CFAP20DC: variants seen among roughly 807,000 people sequenced by gnomAD.
CFAP20DC encodes the protein protein CFAP20DC.
In CFAP20DC, 84 loss-of-function variants were observed where a neutral mutation model predicts 101.7. That is an observed-to-expected ratio of 0.83 (90% CI 0.69 to 0.99). The LOEUF is 0.99. Ranked by LOEUF, CFAP20DC falls within the 50% of genes least tolerant of loss-of-function variation. CFAP20DC has a pLI of 0.00. For synonymous variants in CFAP20DC, 359 were observed against 351.2 expected, an observed-to-expected ratio of 1.02 and a Z score of -0.25; for missense variants, 1,007 against 970.3, an observed-to-expected ratio of 1.04 and a Z score of -0.50.
chr3:59,040,092 A>C (rs1330575808), intron 3 of CFAP20DC, among the ~76,000 whole-genome samples: 3 of 152,056 alleles, frequency 2.0e-5, no homozygotes, highest in African/African-American at 7.2e-5. Context: ...TAATTATGAC[A>C]ACTACAACTG....
chr3:58,809,668 C>T (rs1037190765), intron 14 of CFAP20DC, among the ~76,000 whole-genome samples: 3 of 152,050 alleles, frequency 2.0e-5, no homozygotes, highest in Non-Finnish European at 2.9e-5. Context: ...CAAACACATA[C>T]GAAAGCTAGC....
At chr3:58,767,975 T>C (rs2070472362) in intron 15 of CFAP20DC, among the ~76,000 whole-genome samples, 1 of 152,230 alleles carries the variant, frequency 6.6e-6, no homozygotes. Flanking sequence ...TTCCTTTTAC[T>C]TGTATGCGTT....
chr3:58,846,118 C>T (rs1363806419), intron 13 of CFAP20DC, among the ~76,000 whole-genome samples: 1 of 141,996 alleles, frequency 7.0e-6, no homozygotes, highest in African/African-American at 2.7e-5. Context: ...CAGGGATGCC[C>T]TCTCTCACCA....
Position 58,880,498 on chromosome 3 carries a change from T to C in CFAP20DC, c.715+4047A>G, listed in dbSNP as rs114682595. On this transcript the variant is annotated intron_variant, in intron 7 of 16. Coordinates refer to ENST00000482387, the MANE Select transcript of CFAP20DC (RefSeq NM_001394063.1). ...TGGATTTTTGTTATTACAAGCAATG[T>C]AGTCATAAATATCTAAAGGAGAAAT... Among the ~76,000 whole-genome samples the C allele has an allele frequency of 2.8e-3, 429 of 152,284 alleles. 1 individual carries two copies. The highest frequency in any genetic ancestry group is 9.4e-3 in the African/African-American group (393 of 41,588).
At chr3:58,825,291 A>T (rs532378527) in intron 14 of CFAP20DC, among the ~76,000 whole-genome samples, 24 of 152,322 alleles carry the variant, frequency 1.6e-4, no homozygotes, top group African/African-American at 5.5e-4. Context: ...TTGGGGAAAC[A>T]GCAGTTGACA....
At chr3:58,919,170 T>C (rs1451096289) in intron 5 of CFAP20DC, among the ~76,000 whole-genome samples, 1 of 152,194 alleles carries the variant, frequency 6.6e-6, no homozygotes, top group Non-Finnish European at 1.5e-5. Context: ...GTTTGTTCTA[T>C]AACTTTATAT....
At position 58,751,408 on chromosome 3, in the gene CFAP20DC, C is replaced by T. The variant is rs9820430; in HGVS notation, c.2332+2361G>A. Among the ~76,000 whole-genome samples the T allele has an allele frequency of 9.9e-3, 1,512 of 152,222 alleles. 24 individuals carry two copies. Among genetic ancestry groups the T allele is most frequent in the African/African-American group, 0.035 (1,457 of 41,540 alleles). On this transcript the variant is annotated intron_variant, in intron 16 of 16. Coordinates refer to ENST00000482387, the MANE Select transcript of CFAP20DC (RefSeq NM_001394063.1). ...CCAGGCCCGGCAGTTCCATATCCAA[C>T]GATCCTACCCTTCATTCAGCTGTTC...
intron 3 of CFAP20DC, among the ~76,000 whole-genome samples, chr3:58,735,403 T>C (rs1223738937): frequency 6.6e-6 from 1 of 152,224 alleles, no homozygotes; most frequent in Non-Finnish European, 1.5e-5. Flanking sequence ...TGTCAGAACA[T>C]TATTGGATTG....
At chr3:59,027,786 C>T (rs576643264) in intron 4 of CFAP20DC, among the ~76,000 whole-genome samples, 1 of 152,294 alleles carries the variant, frequency 6.6e-6, no homozygotes, top group Admixed American at 6.5e-5. Flanking sequence ...TGTCTGCCCC[C>T]AGGCTCTGAA....
rs1393037945 is a variant in CFAP20DC, at chr3:58,894,150, A to G, written c.551-9441T>C. On this transcript the variant is annotated intron_variant, in intron 6 of 16. Transcript: ENST00000482387. This position sits in a 1 kb window ranked among gnomAD's most constrained non-coding sequence, Gnocchi z 4.1. ...GAGACTTGGGTGAGGACACAGCCAAACCATATCATTCTCCCCTTGGCCCCT... is the reference window on the plus strand; with the variant it reads ...GAGACTTGGGTGAGGACACAGCCAAGCCATATCATTCTCCCCTTGGCCCCT... 1.3e-5 allele frequency among the ~76,000 whole-genome samples: 2 copies of G among 152,090 alleles called. No homozygotes were observed. Among genetic ancestry groups the G allele is most frequent in the African/African-American group, 2.4e-5 (1 of 41,414 alleles).
intron 15 of CFAP20DC, among the ~76,000 whole-genome samples, chr3:58,758,132 G>A (rs1453417379): frequency 6.6e-6 from 1 of 151,934 alleles, no homozygotes; most frequent in African/African-American, 2.4e-5. Context: ...TCCCCACTCT[G>A]GTGGCATTTT....
rs1301478626 is a variant in CFAP20DC at position 58,894,947 on chromosome 3, C to CCG, written c.551-10239_551-10238insCG. Among the ~76,000 whole-genome samples, 1 of 152,228 alleles carries CCG rather than the reference C, an allele frequency of 6.6e-6. No individual in the cohort carries two copies. The highest frequency in any genetic ancestry group is 2.4e-5 in the African/African-American group (1 of 41,460). On this transcript the variant is annotated intron_variant, in intron 6 of 16. Coordinates refer to ENST00000482387, the MANE Select transcript of CFAP20DC (RefSeq NM_001394063.1). The surrounding 1 kb of genome is among the most constrained non-coding windows in gnomAD (Gnocchi z 4.1). ...GGCTTTGGGCTTGCACCCTCTGAAG[C>CCG]CATGGCCTAAGCTCTATGTTGGCCC...
chr3:58,942,749 G>A (rs2088800552), intron 4 of CFAP20DC, among the ~76,000 whole-genome samples: 1 of 152,198 alleles, frequency 6.6e-6, no homozygotes, highest in Admixed American at 6.5e-5. Context: ...TGGAAAGGGG[G>A]TTAAAGCCAG....
chr3:58,754,091 T>C (rs920515970), intron 15 of CFAP20DC, among the ~76,000 whole-genome samples: 4 of 152,198 alleles, frequency 2.6e-5, no homozygotes, highest in African/African-American at 9.6e-5. Flanking sequence ...TAAATGAATA[T>C]TCCACTCAAA....
intron 15 of CFAP20DC, among the ~76,000 whole-genome samples, chr3:58,791,503 T>C (rs1294770743): frequency 6.6e-6 from 1 of 152,132 alleles, no homozygotes; most frequent in East Asian, 1.9e-4. Context: ...TATTCTACTA[T>C]ATGCCAATTA....
At chr3:59,016,099 G>C (rs2093683211) in intron 4 of CFAP20DC, among the ~76,000 whole-genome samples, 1 of 152,044 alleles carries the variant, frequency 6.6e-6, no homozygotes, top group African/African-American at 2.4e-5. Flanking sequence ...GGATTGCTGA[G>C]AGATAGCTAA....
At position 58,944,927 on chromosome 3, in the gene CFAP20DC, G is replaced by A. The variant is rs185376688; in HGVS notation, c.279-7165C>T. Among the ~76,000 whole-genome samples, 4 of 152,254 alleles carry A rather than the reference G, an allele frequency of 2.6e-5. No homozygotes were observed. The East Asian group carries it at 7.7e-4, about 29-fold the overall frequency. On this transcript the variant is annotated intron_variant, in intron 4 of 16. Transcript: ENST00000482387. ...AATCTATCAAGTATCAGAAGGATTT[G>A]TTGACTTAGCATATAATCCAAATGA...
intron 4 of CFAP20DC, among the ~76,000 whole-genome samples, chr3:59,033,311 C>T (rs2094032163): frequency 6.6e-6 from 1 of 152,112 alleles, no homozygotes; most frequent in South Asian, 2.1e-4. Flanking sequence ...ATCACAACTC[C>T]TTGCCAGCAA....
chr3:59,000,799 T>C (rs989542855), intron 4 of CFAP20DC, among the ~76,000 whole-genome samples: 2 of 152,126 alleles, frequency 1.3e-5, no homozygotes, highest in Admixed American at 1.3e-4. Flanking sequence ...GAAGGCCCAT[T>C]TGGAGAGTTT....
Sources: allele counts gnomAD v4.1 joint callset (sites outside exome capture counted in the v4.1 genomes callset), GRCh38; gene constraint gnomAD v4.1.1; non-coding constraint Gnocchi (gnomAD v3.1); transcripts MANE v1.5; gene names NCBI Gene and HGNC (gene_info 2026-07-23, HGNC 2026-07-21).